Variants in RANBP2 observed in about 807,000 individuals in gnomAD.
RANBP2 encodes RAN binding protein 2.
A neutral mutation model predicts 303.6 loss-of-function variants in RANBP2; 57 were observed. The ratio of observed to expected loss-of-function variants is 0.19; its 90% confidence interval spans 0.15 to 0.23. The LOEUF (loss-of-function observed/expected upper bound fraction) is 0.23. Ranked by LOEUF, RANBP2 falls within the 10% of genes least tolerant of loss-of-function variation. RANBP2 has a pLI of 1.00. For missense variants in RANBP2, 3,138 were observed against 3,780.8 expected (o/e 0.83, Z 4.46); for synonymous variants, 1,167 against 1,301.5 (o/e 0.90, Z 2.23).
chr2:109,666,888 G>A, the RANBP2 span, among the ~76,000 whole-genome samples: 1 of 152,148 alleles, frequency 6.6e-6, no homozygotes, highest in East Asian at 1.9e-4. Context: ...AAATGGGCAC[G>A]GTTGGTTTTC....
chr2:108,847,889 AAGATTACAAT>A, the RANBP2 span, among the ~76,000 whole-genome samples: 5 of 152,204 alleles, frequency 3.3e-5, no homozygotes. Flanking sequence ...TATGGTTCTC[AAGATTACAAT>A]AGACTAGGTG....
the RANBP2 span, chr2:108,912,687 C>A: frequency 6.3e-7 from 1 of 1,593,810 alleles, no homozygotes; most frequent in Non-Finnish European, 8.5e-7. Context: ...CCTTTGTGGG[C>A]GTGCTGGAAG....
At chr2:109,342,287 T>C in the RANBP2 span, among the ~76,000 whole-genome samples, 5 of 152,100 alleles carry the variant, frequency 3.3e-5, no homozygotes, top group African/African-American at 9.7e-5. Context: ...TTGGGAAAAA[T>C]AATGGGCCAA....
At chr2:108,900,758 G>C in the RANBP2 span, among the ~76,000 whole-genome samples, 1 of 152,110 alleles carries the variant, frequency 6.6e-6, no homozygotes, top group Admixed American at 6.5e-5. Context: ...AGGCAGAGTG[G>C]CTATAACATC....
the RANBP2 span, among the ~76,000 whole-genome samples, chr2:108,956,097 T>C: frequency 6.6e-6 from 1 of 152,228 alleles, no homozygotes; most frequent in East Asian, 1.9e-4. Flanking sequence ...TTTGACTGTT[T>C]CATTCCCTAT....
chr2:109,379,087 C>T, the RANBP2 span, among the ~76,000 whole-genome samples: 177 of 152,292 alleles, frequency 1.2e-3, no homozygotes, highest in African/African-American at 4.1e-3. Flanking sequence ...TTATGGGCTC[C>T]GCCGCTCTTG....
the RANBP2 span, among the ~76,000 whole-genome samples, chr2:109,167,481 TATTC>T: frequency 6.6e-6 from 1 of 152,324 alleles, no homozygotes; most frequent in Non-Finnish European, 1.5e-5. Context: ...GCTGGTGTCT[TATTC>T]ATTATTTCCT....
chr2:109,552,068 CA>C, the RANBP2 span, among the ~76,000 whole-genome samples: 1 of 151,858 alleles, frequency 6.6e-6, no homozygotes, highest in Non-Finnish European at 1.5e-5. Flanking sequence ...TCAGTGGTGG[CA>C]TTAGATTCCC....
At chr2:108,961,076 C>T in the RANBP2 span, among the ~76,000 whole-genome samples, 74 of 152,320 alleles carry the variant, frequency 4.9e-4, no homozygotes, top group Non-Finnish European at 9.0e-4. Context: ...TGGGTGAGCA[C>T]GCATGGATGC....
chr2:109,118,437 C>G, the RANBP2 span, among the ~76,000 whole-genome samples: 7 of 150,902 alleles, frequency 4.6e-5, no homozygotes, highest in African/African-American at 1.5e-4. Context: ...CTGACCCAAA[C>G]GACGGATGAA....
the RANBP2 span, among the ~76,000 whole-genome samples, chr2:109,450,756 C>T: frequency 6.6e-6 from 1 of 152,204 alleles, no homozygotes; most frequent in African/African-American, 2.4e-5. Flanking sequence ...GGCTGTATCC[C>T]TAGGGCGTTG....
chr2:109,633,412 A>G, the RANBP2 span, among the ~76,000 whole-genome samples: 1 of 151,514 alleles, frequency 6.6e-6, no homozygotes. Flanking sequence ...AACAAAACAA[A>G]ACAAAACAAA....
chr2:109,125,303 TG>T, the RANBP2 span, among the ~76,000 whole-genome samples: 1 of 152,000 alleles, frequency 6.6e-6, no homozygotes, highest in South Asian at 2.1e-4. Flanking sequence ...GCAGAGTTGG[TG>T]GGGGGGTTAG....
the RANBP2 span, among the ~76,000 whole-genome samples, chr2:108,921,345 C>T: frequency 6.6e-6 from 1 of 152,206 alleles, no homozygotes; most frequent in Non-Finnish European, 1.5e-5. Flanking sequence ...TCATCCTCAG[C>T]CAGGGGCCCT....
At chr2:109,600,732 GC>G in the RANBP2 span, among the ~76,000 whole-genome samples, 1 of 152,048 alleles carries the variant, frequency 6.6e-6, no homozygotes, top group African/African-American at 2.4e-5. Flanking sequence ...CAGACTGAGG[GC>G]TAGTCCCCAA....
At chr2:109,121,249 TAAAAC>T in the RANBP2 span, among the ~76,000 whole-genome samples, 27,486 of 148,480 alleles carry the variant, frequency 0.19, 2,791 homozygotes, top group African/African-American at 0.24. Context: ...TCCATCTCTC[TAAAAC>T]AAAACAAAAC....
At chr2:109,361,887 AT>A in the RANBP2 span, among the ~76,000 whole-genome samples, 1 of 152,182 alleles carries the variant, frequency 6.6e-6, no homozygotes, top group Non-Finnish European at 1.5e-5. Flanking sequence ...ATATTCTTTT[AT>A]TTTTTTAACA....
At chr2:109,394,540 G>A in the RANBP2 span, among the ~76,000 whole-genome samples, 5 of 152,228 alleles carry the variant, frequency 3.3e-5, no homozygotes, top group East Asian at 3.8e-4. Flanking sequence ...TAAAGTTACC[G>A]AGATGTTTAA....
the RANBP2 span, among the ~76,000 whole-genome samples, chr2:109,214,840 A>G: frequency 4.6e-5 from 7 of 152,182 alleles, no homozygotes; most frequent in Non-Finnish European, 1.0e-4. Context: ...CTGAGTTCCA[A>G]GGGCTGCTGG....
Sources: allele counts gnomAD v4.1 joint callset (sites outside exome capture counted in the v4.1 genomes callset), GRCh38; gene constraint gnomAD v4.1.1; transcripts MANE v1.5; gene names NCBI Gene and HGNC (gene_info 2026-07-23, HGNC 2026-07-21).